TLCD4: variants seen among roughly 807,000 people sequenced by gnomAD.
TLCD4 encodes the protein TLC domain-containing protein 4.
In TLCD4, 7 loss-of-function variants were observed where a neutral mutation model predicts 24.2. The ratio of observed to expected loss-of-function variants is 0.29; its 90% CI spans 0.16 to 0.54. The LOEUF (loss-of-function observed/expected upper bound fraction) is 0.54. Ranked by LOEUF, TLCD4 falls within the 20% of genes least tolerant of loss-of-function variation. The pLI is 0.95. For missense variants in TLCD4, 259 were observed against 313.9 expected (o/e 0.82, Z 1.32); for synonymous variants, 103 against 106.4 (o/e 0.97, Z 0.20).
rs1349027539 is a variant in TLCD4, at chr1:95,196,548, G to T, written c.*4680G>T. On this transcript the variant is annotated 3_prime_UTR_variant, in exon 7 of 7. Transcript: ENST00000370203. ...GGAATATATTTTGGATAGCAGTGAAGAATTGAAAGCAGCTCCTAAAGATTG... is the reference window on the plus strand; with the variant it reads ...GGAATATATTTTGGATAGCAGTGAATAATTGAAAGCAGCTCCTAAAGATTG... 6.6e-6 allele frequency: 1 copy of T among 152,192 alleles called. No homozygotes were observed. The highest frequency in any genetic ancestry group is 2.4e-5 in the African/African-American group (1 of 41,440). 9.4% of individuals were successfully genotyped at this position (152,192 alleles called of 1,614,324 possible). A position where few individuals can be genotyped will look rare whatever the true frequency, so the allele number is the denominator to read the frequency against.
chr1:95,114,544 A>G (rs1404535582), upstream of TLCD4, among the ~76,000 whole-genome samples: 3 of 152,192 alleles, frequency 2.0e-5, no homozygotes, highest in African/African-American at 7.2e-5. Flanking sequence ...CTTCATTTAA[A>G]ACAGTTTTTG....
the TLCD4 span, among the ~76,000 whole-genome samples, chr1:95,100,753 GAGTT>G: frequency 2.0e-5 from 3 of 152,092 alleles, no homozygotes; most frequent in Non-Finnish European, 4.4e-5. Flanking sequence ...TTCCCTCACT[GAGTT>G]AGTTAAATAA....
At chr1:95,150,101 A>G in intron 3 of TLCD4, 107 bp from the exon 4 acceptor site, 1 of 1,388,186 alleles carries the variant, frequency 7.2e-7, no homozygotes, top group Non-Finnish European at 9.6e-7. Context: ...TTACCATTTG[A>G]GAATCTATAG....
At chr1:95,118,830 G>T (rs1339157119) in intron 1 of TLCD4, among the ~76,000 whole-genome samples, 1 of 152,060 alleles carries the variant, frequency 6.6e-6, no homozygotes. Flanking sequence ...GTGTATTCCC[G>T]CCGTGTTAGA....
chr1:95,110,765 C>T, the TLCD4 span, among the ~76,000 whole-genome samples: 1 of 151,444 alleles, frequency 6.6e-6, no homozygotes. Flanking sequence ...TGGCGCATGC[C>T]TGTAGTGCAT....
chr1:95,112,365 T>A (rs536560426), upstream of TLCD4, among the ~76,000 whole-genome samples: 3 of 151,984 alleles, frequency 2.0e-5, no homozygotes, highest in Admixed American at 2.0e-4. Flanking sequence ...ACAAAAAGAA[T>A]AGAGAAAATG....
rs72722140 is a variant in TLCD4 at position 95,155,853 on chromosome 1, G to A, written c.399+4434G>A. 9.5e-3 allele frequency among the ~76,000 whole-genome samples: 1,448 copies of A among 151,690 alleles called. 13 individuals are homozygous for A. Among genetic ancestry groups the A allele is most frequent in the African/African-American group, 0.023 (934 of 41,356 alleles). On this transcript the variant is annotated intron_variant, in intron 5 of 6. Coordinates refer to ENST00000370203, the MANE Select transcript of TLCD4 (RefSeq NM_152487.3). The stretch of plus-strand genomic sequence containing the variant: ...TGAGCTAAGGAGGGTGGGGGATAGG[G>A]GATAACAATAGGATAGAATGAGTGG...
chr1:95,174,157 A>G, intron 6 of TLCD4: 2 of 466,606 alleles, frequency 4.3e-6, no homozygotes, highest in Non-Finnish European at 7.7e-6. Flanking sequence ...CTTCCAGCTC[A>G]TTCTTTCACC....
chr1:95,151,512 T>C, intron 5 of TLCD4, 93 bp downstream of exon 5: 4 of 1,445,500 alleles, frequency 2.8e-6, no homozygotes, highest in Non-Finnish European at 3.7e-6. Context: ...CAATTCTTAG[T>C]TTTTAAAGAC....
chr1:95,169,285 G>A (rs1678126977), intron 5 of TLCD4, among the ~76,000 whole-genome samples: 4 of 152,184 alleles, frequency 2.6e-5, no homozygotes, highest in Admixed American at 1.3e-4. Context: ...GGAACTACAC[G>A]AGAACCATTG....
intron 5 of TLCD4, among the ~76,000 whole-genome samples, chr1:95,161,488 G>A (rs1677804419): frequency 6.6e-6 from 1 of 152,058 alleles, no homozygotes; most frequent in Admixed American, 6.6e-5. Context: ...AAGGGTTTTT[G>A]TGTCTCTATC....
At chr1:95,102,600 A>G in the TLCD4 span, among the ~76,000 whole-genome samples, 9 of 152,218 alleles carry the variant, frequency 5.9e-5, no homozygotes, top group Non-Finnish European at 1.3e-4. Flanking sequence ...TCTGAAGCTC[A>G]AGAATGAGTT....
At chr1:95,182,278 T>G (rs1375498723) in intron 6 of TLCD4, among the ~76,000 whole-genome samples, 1 of 152,130 alleles carries the variant, frequency 6.6e-6, no homozygotes, top group Non-Finnish European at 1.5e-5. Flanking sequence ...TTTGTTTTTT[T>G]TTTCAAGTAA....
At chr1:95,124,590 T>G (rs1308546465) in intron 1 of TLCD4, among the ~76,000 whole-genome samples, 1 of 151,998 alleles carries the variant, frequency 6.6e-6, no homozygotes, top group Non-Finnish European at 1.5e-5. Context: ...GTCAGTAGGG[T>G]GAGGTGTAGG....
At chr1:95,143,219 G>A (rs1677254213) in intron 1 of TLCD4, among the ~76,000 whole-genome samples, 1 of 152,158 alleles carries the variant, frequency 6.6e-6, no homozygotes, top group South Asian at 2.1e-4. Flanking sequence ...TTAGTTAGGT[G>A]TGTAAAGTTG....
intron 5 of TLCD4, among the ~76,000 whole-genome samples, chr1:95,161,033 G>A (rs1223984669): frequency 1.3e-5 from 2 of 152,142 alleles, no homozygotes; most frequent in East Asian, 3.8e-4. Context: ...AAGTTAGAGA[G>A]GATTCCCTCT....
At chr1:95,123,490 G>GT (rs916966609) in intron 1 of TLCD4, among the ~76,000 whole-genome samples, 6 of 152,090 alleles carry the variant, frequency 3.9e-5, no homozygotes, top group African/African-American at 4.8e-5. Flanking sequence ...AATGTTTAGT[G>GT]TTTTTTTAAA....
chr1:95,120,458 G>A (rs1035080736), intron 1 of TLCD4, among the ~76,000 whole-genome samples: 1 of 152,214 alleles, frequency 6.6e-6, no homozygotes, highest in Non-Finnish European at 1.5e-5. Context: ...GACCTGATCA[G>A]GCAGGATAAG....
the TLCD4 span, among the ~76,000 whole-genome samples, chr1:95,110,751 GT>G: frequency 3.3e-5 from 5 of 151,828 alleles, no homozygotes; most frequent in Non-Finnish European, 7.4e-5. Flanking sequence ...GTAGCCAGGT[GT>G]GGTGGCGCAT....
Sources: allele counts gnomAD v4.1 joint callset (sites outside exome capture counted in the v4.1 genomes callset), GRCh38; gene constraint gnomAD v4.1.1; transcripts MANE v1.5; gene names NCBI Gene and HGNC (gene_info 2026-07-23, HGNC 2026-07-21).